AMMECR1: variants seen among roughly 807,000 people sequenced by gnomAD.
AMMECR1 encodes AMMECR nuclear protein 1, also known as nuclear protein AMMECR1.
In AMMECR1, 3 loss-of-function variants were observed where a neutral mutation model predicts 22.5. The ratio of observed to expected loss-of-function variants is 0.13; its 90% confidence interval spans 0.06 to 0.35. AMMECR1 has a LOEUF of 0.35. Ranked by LOEUF, AMMECR1 falls within the 10% of genes least tolerant of loss-of-function variation. The probability of loss-of-function intolerance (pLI) is 1.00; values close to 1 mark genes in which losing one functional copy is unlikely to be tolerated. For synonymous variants in AMMECR1, 130 were observed against 116.7 expected (o/e 1.11, Z -0.74); for missense variants, 235 against 278.7 (o/e 0.84, Z 1.12).
At chrX:110,295,182 G>T (rs1165266896) in intron 1 of AMMECR1, among the ~76,000 whole-genome samples, 4 of 111,455 alleles carry the variant, frequency 3.6e-5, no homozygotes, top group Non-Finnish European at 7.6e-5. Context: ...TTAGACTGAA[G>T]GTCTCTTGAA....
chrX:110,381,234 C>A (rs2068416418), intron 2 of AMMECR1, among the ~76,000 whole-genome samples: 1 of 111,437 alleles, frequency 9.0e-6, no homozygotes, highest in Non-Finnish European at 1.9e-5. Context: ...AATCAACAAG[C>A]AAAAAACAAC....
intron 2 of AMMECR1, among the ~76,000 whole-genome samples, chrX:110,422,936 T>C (rs1274514459): frequency 8.9e-6 from 1 of 112,167 alleles, no homozygotes; most frequent in Non-Finnish European, 1.9e-5. Flanking sequence ...AACTGGGGGC[T>C]GAGGGGCAAA....
intron 1 of AMMECR1, among the ~76,000 whole-genome samples, chrX:110,434,154 G>A (rs755966284): frequency 6.3e-5 from 7 of 111,747 alleles, no homozygotes; most frequent in Non-Finnish European, 1.3e-4. Context: ...TGTGTGACAG[G>A]GCCTAGTGCA....
chrX:110,228,919 G>A (rs1037689110), intron 2 of AMMECR1, among the ~76,000 whole-genome samples: 2 of 112,285 alleles, frequency 1.8e-5, no homozygotes, highest in African/African-American at 6.5e-5. Flanking sequence ...TTTTAAAATA[G>A]AGTATTTGGT....
At position 110,194,972 on chromosome X, in the gene AMMECR1, A is replaced by ATG; in HGVS notation, c.*3547_*3548insCA. On this transcript the variant is annotated 3_prime_UTR_variant, in exon 6 of 6. Transcript: ENST00000262844. The stretch of plus-strand genomic sequence containing the variant: ...AATTCATTTTAACATCACTAGCAAA[A>ATG]ATCACTTAGAAACTGTACAAAAATA... 1 of 111,990 alleles carries ATG rather than the reference A, an allele frequency of 8.9e-6. No individual in the cohort carries two copies. The highest frequency in any genetic ancestry group is 2.8e-4 in the East Asian group (1 of 3,579). 9.2% of individuals were successfully genotyped at this position (111,990 alleles called of 1,213,427 possible).
intron 2 of AMMECR1, among the ~76,000 whole-genome samples, chrX:110,218,294 A>T (rs1195073948): frequency 8.9e-6 from 1 of 111,794 alleles, no homozygotes; most frequent in Non-Finnish European, 1.9e-5. Flanking sequence ...TGTTAAAAGA[A>T]GAAAAAGAGT....
chrX:110,320,998 AT>A (rs1228251994), upstream of AMMECR1, among the ~76,000 whole-genome samples: 1 of 111,924 alleles, frequency 8.9e-6, no homozygotes, highest in Non-Finnish European at 1.9e-5. Flanking sequence ...AGTAGTGGTG[AT>A]GGTGGTAATG....
chrX:110,203,528 C>T (rs2067407273), intron 3 of AMMECR1, among the ~76,000 whole-genome samples: 1 of 111,167 alleles, frequency 9.0e-6, no homozygotes, highest in African/African-American at 3.3e-5. Flanking sequence ...ATAATGACAC[C>T]ATTCTGTTCT....
At chrX:110,299,296 G>A (rs935618042) in intron 1 of AMMECR1, among the ~76,000 whole-genome samples, 4 of 111,792 alleles carry the variant, frequency 3.6e-5, no homozygotes, top group East Asian at 2.8e-4. Flanking sequence ...AAAGTTTAAC[G>A]TGTTAAATTC....
chrX:110,248,415 G>T (rs2067670453), intron 2 of AMMECR1, among the ~76,000 whole-genome samples: 1 of 108,543 alleles, frequency 9.2e-6, no homozygotes. Flanking sequence ...GAAAAGAAAA[G>T]AAAAAAATAC....
At chrX:110,224,199 T>C (rs1325915911) in intron 2 of AMMECR1, among the ~76,000 whole-genome samples, 3 of 110,287 alleles carry the variant, frequency 2.7e-5, no homozygotes. Flanking sequence ...CAAGTTATCT[T>C]CTCTAGGAAT....
rs1226456372 is a variant in AMMECR1, at chrX:110,198,547, G to A, written c.975C>T (p.Pro325=). ...HHHFQNGIGH[P]LPPYNHYS Reference sequence around the variant, plus strand: ...AGGAATAATGGTTGTATGGCGGAAGGGGATGCCCAATGCCATTTTGGAAAT... The same window carrying A: ...AGGAATAATGGTTGTATGGCGGAAGAGGATGCCCAATGCCATTTTGGAAAT... Residue 325 remains proline (P), a synonymous_variant, in exon 6 of 6, where the codon CCC becomes CCT. Coordinates refer to ENST00000262844, the MANE Select transcript of AMMECR1 (RefSeq NM_015365.3). The A allele has an allele frequency of 8.4e-7, 1 of 1,194,878 alleles. No individual in the cohort carries two copies.
At chrX:110,383,230 C>T (rs752721028) in intron 2 of AMMECR1, among the ~76,000 whole-genome samples, 2 of 111,212 alleles carry the variant, frequency 1.8e-5, no homozygotes, top group East Asian at 5.7e-4. Context: ...GGGTCTTCTT[C>T]CCAGGAGGCT....
intron 2 of AMMECR1, among the ~76,000 whole-genome samples, chrX:110,344,584 C>A (rs970265597): frequency 2.7e-5 from 3 of 110,993 alleles, no homozygotes; most frequent in South Asian, 3.8e-4. Flanking sequence ...AAAATTTTTG[C>A]AATCCACCCA....
intron 1 of AMMECR1, among the ~76,000 whole-genome samples, chrX:110,291,607 A>C (rs1261652876): frequency 8.9e-6 from 1 of 111,833 alleles, no homozygotes; most frequent in Non-Finnish European, 1.9e-5. Context: ...GGATGGGAGC[A>C]CATGCTAAAT....
chrX:110,264,075 G>A (rs1340323259), intron 2 of AMMECR1, among the ~76,000 whole-genome samples: 2 of 111,514 alleles, frequency 1.8e-5, no homozygotes, highest in Non-Finnish European at 3.8e-5. Flanking sequence ...AATTTCAAAA[G>A]TCCTTAAAAG....
At chrX:110,270,841 C>A (rs941233636) in intron 1 of AMMECR1, among the ~76,000 whole-genome samples, 5 of 112,229 alleles carry the variant, frequency 4.5e-5, no homozygotes, top group African/African-American at 1.6e-4. Flanking sequence ...TGGACTTCAT[C>A]AAACCCAGGT....
chrX:110,219,366 G>A, intron 2 of AMMECR1: 2 of 753,354 alleles, frequency 2.7e-6, no homozygotes. Context: ...TTTGTACCTA[G>A]CTCTAGCTTT....
At chrX:110,424,077 G>A (rs945307936) in intron 2 of AMMECR1, among the ~76,000 whole-genome samples, 2 of 111,436 alleles carry the variant, frequency 1.8e-5, no homozygotes, top group African/African-American at 6.5e-5. Flanking sequence ...AAAGCTATGA[G>A]GTAGGTACTA....
Sources: gnomAD v4.1 joint callset for allele counts (sites outside exome capture counted in the v4.1 genomes callset) on GRCh38, gnomAD v4.1.1 for gene constraint, MANE v1.5 for transcripts, NCBI Gene and HGNC (gene_info 2026-07-23, HGNC 2026-07-21) for gene names.